The following ANO2 variants were observed in gnomAD, a reference collection of about 807,000 sequenced individuals.
ANO2 encodes anoctamin-2.
Under a neutral mutation model 124.2 loss-of-function variants are expected in ANO2, and 101 were observed. The ratio of observed to expected loss-of-function variants is 0.81; its 90% CI spans 0.69 to 0.96. The LOEUF is 0.96. ANO2 is among the 40% of genes least tolerant of loss of function. ANO2 has a pLI of 0.00. For synonymous variants in ANO2, 486 were observed against 482.5 expected (o/e 1.01, Z -0.09); for missense variants, 1,293 against 1,274.5 (o/e 1.01, Z -0.22).
chr12:5,864,574 C>T (rs1300977349), intron 3 of ANO2, among the ~76,000 whole-genome samples: 1 of 152,178 alleles, frequency 6.6e-6, no homozygotes, highest in African/African-American at 2.4e-5. Flanking sequence ...CTCTCCCTCA[C>T]CCCCACCAGG....
At chr12:5,611,501 C>T (rs1033006733) in intron 19 of ANO2, among the ~76,000 whole-genome samples, 1 of 152,126 alleles carries the variant, frequency 6.6e-6, no homozygotes, top group African/African-American at 2.4e-5. Flanking sequence ...TGCAAGTCCC[C>T]CTACAGTGTA....
chr12:5,805,110 G>A (rs1953152140), intron 9 of ANO2, among the ~76,000 whole-genome samples: 1 of 151,926 alleles, frequency 6.6e-6, no homozygotes, highest in Admixed American at 6.6e-5. Context: ...GATTCCCTGG[G>A]CAGGCAGAGA....
chr12:5,571,140 A>G (rs1438378413), intron 23 of ANO2, among the ~76,000 whole-genome samples: 2 of 152,212 alleles, frequency 1.3e-5, no homozygotes, highest in Non-Finnish European at 2.9e-5. Context: ...AACACCTCCA[A>G]GCAGACCCGC....
At chr12:5,918,721 G>A (rs1941524258) in intron 3 of ANO2, among the ~76,000 whole-genome samples, 2 of 152,150 alleles carry the variant, frequency 1.3e-5, no homozygotes, top group South Asian at 4.1e-4. Flanking sequence ...TTACAGGCAT[G>A]AGCCACCACA....
intron 10 of ANO2, among the ~76,000 whole-genome samples, chr12:5,788,096 C>A (rs1441804550): frequency 6.6e-6 from 1 of 152,120 alleles, no homozygotes; most frequent in Non-Finnish European, 1.5e-5. Flanking sequence ...TCATGTTTTC[C>A]TTCTTTCCTG....
At chr12:5,911,080 A>C (rs1591780379) in intron 3 of ANO2, among the ~76,000 whole-genome samples, 1 of 152,176 alleles carries the variant, frequency 6.6e-6, no homozygotes, top group Non-Finnish European at 1.5e-5. Context: ...TTCCCAGTCC[A>C]TCAGACCATC....
chr12:5,655,408 C>G (rs2136964911), intron 14 of ANO2, among the ~76,000 whole-genome samples: 1 of 152,304 alleles, frequency 6.6e-6, no homozygotes, highest in East Asian at 1.9e-4. Flanking sequence ...TTCTGGGCTC[C>G]ATTCCCAAAG....
rs1251605039 is a variant in ANO2 at position 5,750,823 on chromosome 12, A to G, written c.1190+13T>C. ...ATATGGCAACTGAGCCCTTTTCTTT[A>G]AAACTGATTTACCTGGGAATATCTT... is the stretch of plus-strand genomic sequence containing the variant. On this transcript the variant is annotated intron_variant, in intron 11 of 24. Transcript: ENST00000682330. 6.2e-7 allele frequency: 1 copy of G among 1,607,446 alleles called. No individual in the cohort carries two copies. The highest frequency in any genetic ancestry group is 8.5e-7 in the Non-Finnish European group (1 of 1,177,906).
chr12:5,837,965 G>C (rs1954383447), intron 4 of ANO2, among the ~76,000 whole-genome samples: 1 of 151,746 alleles, frequency 6.6e-6, no homozygotes, highest in Non-Finnish European at 1.5e-5. Flanking sequence ...TAGACCGCTA[G>C]CAAGACTAAT....
At chr12:5,826,939 G>A (rs1029041243) in intron 7 of ANO2, among the ~76,000 whole-genome samples, 7 of 152,156 alleles carry the variant, frequency 4.6e-5, no homozygotes, top group Non-Finnish European at 4.4e-5. Context: ...ATCCCAGAGC[G>A]CATTCTGAAG....
chr12:5,695,593 C>A (rs1949134061), intron 14 of ANO2, among the ~76,000 whole-genome samples: 1 of 152,234 alleles, frequency 6.6e-6, no homozygotes, highest in African/African-American at 2.4e-5. Flanking sequence ...GCAATCCCAG[C>A]ACTTTGGGAG....
chr12:5,730,440 A>G (rs1470812546), intron 14 of ANO2, among the ~76,000 whole-genome samples: 1 of 152,200 alleles, frequency 6.6e-6, no homozygotes, highest in Non-Finnish European at 1.5e-5. Context: ...TTTACCATTC[A>G]ACAGGAAGGA....
chr12:5,628,759 A>G (rs1000286161), intron 16 of ANO2, among the ~76,000 whole-genome samples: 1 of 152,204 alleles, frequency 6.6e-6, no homozygotes, highest in Admixed American at 6.5e-5. Context: ...TGTGAGATAT[A>G]GGGTAAGCAG....
chr12:5,647,919 C>CTAGTCA, intron 14 of ANO2, 118 bp from the exon 15 acceptor site: 1 of 757,340 alleles, frequency 1.3e-6, no homozygotes, highest in East Asian at 2.7e-5. Flanking sequence ...AGATATATTT[C>CTAGTCA]TAGTCACTGA....
At chr12:5,661,591 C>T (rs1449714790) in intron 14 of ANO2, among the ~76,000 whole-genome samples, 5 of 152,068 alleles carry the variant, frequency 3.3e-5, no homozygotes, top group Admixed American at 2.6e-4. Context: ...CTCAGTGACG[C>T]TCAGGCCATG....
In ANO2 at chr12:5,787,109, A is replaced by T. The variant is rs1286874987; in HGVS notation, c.1055+12398T>A. Reference sequence around the variant, plus strand: ...CAAAAGAGGCTCTGGGCTCAGAGTCATGATGGCCAGGCTGCCCACAAGTCC... The same window carrying T: ...CAAAAGAGGCTCTGGGCTCAGAGTCTTGATGGCCAGGCTGCCCACAAGTCC... On this transcript the variant is annotated intron_variant, in intron 10 of 24. Coordinates refer to ENST00000682330, the MANE Select transcript of ANO2 (RefSeq NM_001364791.2). The surrounding 1 kb of genome is among the most constrained non-coding windows in gnomAD (Gnocchi z 4.2). Among the ~76,000 whole-genome samples, 1 of 152,172 alleles carries T rather than the reference A, an allele frequency of 6.6e-6. No homozygotes were observed. The highest frequency in any genetic ancestry group is 1.5e-5 in the Non-Finnish European group (1 of 68,022).
rs1420325672 is a variant in ANO2, at chr12:5,727,243, C to T, written c.1545+5277G>A. ...GATCTGGTCATTTAAAAGTGTGTGGCACCACCTCCCCTATAACTCACTCCT... is the reference window on the plus strand; with the variant it reads ...GATCTGGTCATTTAAAAGTGTGTGGTACCACCTCCCCTATAACTCACTCCT... On this transcript the variant is annotated intron_variant, in intron 14 of 24. Coordinates refer to ENST00000682330, the MANE Select transcript of ANO2 (RefSeq NM_001364791.2). Among the ~76,000 whole-genome samples, 3 of 152,112 alleles carry T rather than the reference C, an allele frequency of 2.0e-5. No homozygotes were observed. The East Asian group carries it at 5.8e-4, about 29-fold the overall frequency.
chr12:5,918,261 G>A (rs1941491804), intron 3 of ANO2, among the ~76,000 whole-genome samples: 1 of 152,134 alleles, frequency 6.6e-6, no homozygotes, highest in Non-Finnish European at 1.5e-5. Context: ...TCCTACATGG[G>A]TGGAAAGACT....
intron 14 of ANO2, among the ~76,000 whole-genome samples, chr12:5,657,260 A>G (rs1947205512): frequency 6.6e-6 from 1 of 152,142 alleles, no homozygotes; most frequent in Non-Finnish European, 1.5e-5. Context: ...TCTGAGAAAG[A>G]GTCAAATAGC....
Sources: allele counts gnomAD v4.1 joint callset (sites outside exome capture counted in the v4.1 genomes callset), GRCh38; gene constraint gnomAD v4.1.1; non-coding constraint Gnocchi (gnomAD v3.1); transcripts MANE v1.5; gene names NCBI Gene and HGNC (gene_info 2026-07-23, HGNC 2026-07-21).